The following SLC14A2 variants were observed in gnomAD, a reference collection of about 807,000 sequenced individuals.
The protein encoded by SLC14A2 is urea transporter 2.
A neutral mutation model predicts 104.6 loss-of-function variants in SLC14A2; 91 were observed. The ratio of observed to expected loss-of-function variants is 0.87; its 90% CI spans 0.73 to 1.04. SLC14A2 has a LOEUF of 1.04. Among genes scored for constraint, SLC14A2 ranks in the 50% least tolerant of loss-of-function variants. SLC14A2 has a pLI of 0.00. For missense variants in SLC14A2, 1,189 were observed against 1,156.0 expected (o/e 1.03, Z -0.41); for synonymous variants, 476 against 466.4 (o/e 1.02, Z -0.27).
At chr18:45,254,471 G>A (rs545345187) in intron 1 of SLC14A2, among the ~76,000 whole-genome samples, 11 of 152,264 alleles carry the variant, frequency 7.2e-5, no homozygotes, top group Non-Finnish European at 1.2e-4. Flanking sequence ...TTTGGAAAGG[G>A]GTCCTCAGGG....
chr18:45,287,738 G>A (rs370420826), intron 1 of SLC14A2, among the ~76,000 whole-genome samples: 10 of 152,176 alleles, frequency 6.6e-5, no homozygotes, highest in African/African-American at 1.7e-4. Flanking sequence ...ATCGCTGCCC[G>A]GGCTTCCTGC....
intron 1 of SLC14A2, among the ~76,000 whole-genome samples, chr18:45,384,298 C>T (rs554173067): frequency 1.4e-4 from 21 of 152,288 alleles, no homozygotes; most frequent in African/African-American, 4.8e-4. Context: ...GGTGATTTCA[C>T]CTTCAAAGTG....
At chr18:45,319,670 A>C (rs2085165457) in intron 1 of SLC14A2, among the ~76,000 whole-genome samples, 1 of 152,224 alleles carries the variant, frequency 6.6e-6, no homozygotes, top group South Asian at 2.1e-4. Context: ...TGCCTGGGTT[A>C]GATGTTTTAT....
chr18:45,600,067 C>A (rs1201966179), intron 2 of SLC14A2, among the ~76,000 whole-genome samples: 1 of 152,064 alleles, frequency 6.6e-6, no homozygotes, highest in Non-Finnish European at 1.5e-5. Flanking sequence ...CCCACAACAG[C>A]CCATGAGGTA....
intron 1 of SLC14A2, among the ~76,000 whole-genome samples, chr18:45,427,427 T>G (rs1458903176): frequency 1.3e-5 from 2 of 152,144 alleles, no homozygotes; most frequent in Admixed American, 6.5e-5. Flanking sequence ...TGGATGCCAG[T>G]GTTTCCCTTG....
intron 1 of SLC14A2, among the ~76,000 whole-genome samples, chr18:45,405,877 C>A (rs189042040): frequency 7.1e-6 from 1 of 140,832 alleles, no homozygotes; most frequent in Non-Finnish European, 1.5e-5. Context: ...CCAGCCTGTG[C>A]GACAGGGAGA....
chr18:45,472,958 A>G (rs2087280345), intron 1 of SLC14A2, among the ~76,000 whole-genome samples: 1 of 152,144 alleles, frequency 6.6e-6, no homozygotes, highest in African/African-American at 2.4e-5. Flanking sequence ...GCCCATGCCT[A>G]TGTCCTGAAT....
At chr18:45,554,581 C>T (rs750773616) in intron 2 of SLC14A2, among the ~76,000 whole-genome samples, 9 of 151,870 alleles carry the variant, frequency 5.9e-5, no homozygotes, top group Non-Finnish European at 1.2e-4. Context: ...TGCGCATGGC[C>T]ACATCTGGAA....
chr18:45,354,846 A>G (rs1017407593), intron 1 of SLC14A2, among the ~76,000 whole-genome samples: 3 of 152,238 alleles, frequency 2.0e-5, no homozygotes, highest in South Asian at 2.1e-4. Flanking sequence ...GTTTACCCCT[A>G]TTAAAATCCC....
At chr18:45,192,642 T>TTTTGTTTTG in the SLC14A2 span, among the ~76,000 whole-genome samples, 12 of 144,930 alleles carry the variant, frequency 8.3e-5, no homozygotes, top group South Asian at 6.7e-4. Flanking sequence ...GTGTGGTTTT[T>TTTTGTTTTG]TTTTGTTTTG....
chr18:45,483,581 A>T (rs2087538403), intron 2 of SLC14A2: 1 of 152,190 alleles, frequency 6.6e-6, no homozygotes, highest in Admixed American at 6.5e-5. Context: ...GGTTCTATTT[A>T]TATGTCAAAA....
Position 45,619,532 on chromosome 18 carries a change from C to T in SLC14A2, c.-35+3950C>T, listed in dbSNP as rs185410326. Among the ~76,000 whole-genome samples, 176 of 152,290 alleles carry T rather than the reference C, an allele frequency of 1.2e-3. 2 individuals carry two copies. Among genetic ancestry groups the T allele is most frequent in the Admixed American group, 5.2e-4 (8 of 15,300 alleles). ...ATTTGAGGCCTGGTTTTTGGAGAGA[C>T]GTGGGACTGATCCAAACAGCCTCTC... On this transcript the variant is annotated intron_variant, in intron 1 of 19. Coordinates refer to ENST00000255226, the MANE Select transcript of SLC14A2 (RefSeq NM_007163.4).
In SLC14A2 at chr18:45,644,748, C is replaced by T. The variant is rs148236972; in HGVS notation, c.1351+588C>T. ...TCAGTGGTCTTTGTAAGGGGCAAGG[C>T]GATATTCCATAGCAGGGAGGAATTA... On this transcript the variant is annotated intron_variant, in intron 10 of 19. Transcript: ENST00000255226. 3.5e-3 allele frequency among the ~76,000 whole-genome samples: 538 copies of T among 152,094 alleles called. 3 individuals are homozygous for T. Among genetic ancestry groups the T allele is most frequent in the African/African-American group, 9.5e-3 (395 of 41,476 alleles).
chr18:45,432,550 A>G (rs2086533410), intron 1 of SLC14A2, among the ~76,000 whole-genome samples: 1 of 152,158 alleles, frequency 6.6e-6, no homozygotes, highest in Non-Finnish European at 1.5e-5. Context: ...AAATACCCAG[A>G]GTGATCTAGG....
intron 2 of SLC14A2, among the ~76,000 whole-genome samples, chr18:45,597,885 T>G (rs2044736180): frequency 6.6e-6 from 1 of 152,116 alleles, no homozygotes; most frequent in Admixed American, 6.5e-5. Flanking sequence ...GTGGCATTAA[T>G]AGGAATTGCT....
At chr18:45,378,183 G>C (rs964023448) in intron 1 of SLC14A2, among the ~76,000 whole-genome samples, 6 of 151,450 alleles carry the variant, frequency 4.0e-5, no homozygotes, top group Non-Finnish European at 8.8e-5. Flanking sequence ...CTTGGGACTG[G>C]GTCTTATTTA....
At chr18:45,340,377 TG>T (rs2085381668) in intron 1 of SLC14A2, among the ~76,000 whole-genome samples, 1 of 152,350 alleles carries the variant, frequency 6.6e-6, no homozygotes, top group Admixed American at 6.5e-5. Flanking sequence ...GAGAAGTACA[TG>T]CCCTGCCCAT....
chr18:45,280,329 C>G (rs7230218), intron 1 of SLC14A2, among the ~76,000 whole-genome samples: 3,794 of 152,172 alleles, frequency 0.025, 121 homozygotes, highest in East Asian at 0.091. Flanking sequence ...GGCCTCAGTT[C>G]AGACAGGAGA....
At chr18:45,248,654 G>T (rs564674664) in intron 1 of SLC14A2, among the ~76,000 whole-genome samples, 1 of 152,340 alleles carries the variant, frequency 6.6e-6, no homozygotes, top group African/African-American at 2.4e-5. Flanking sequence ...CAACCAATTG[G>T]CATTCAGGAA....
Sources: gnomAD v4.1 joint callset for allele counts (sites outside exome capture counted in the v4.1 genomes callset) on GRCh38, gnomAD v4.1.1 for gene constraint, MANE v1.5 for transcripts, NCBI Gene and HGNC (gene_info 2026-07-23, HGNC 2026-07-21) for gene names.